The following KANTR variants were observed in gnomAD, a reference collection of about 807,000 sequenced individuals.
KANTR encodes KDM5C adjacent transcript.
rs146960113 is a variant in KANTR at position 53,107,230 on chromosome X, C to T, written c.-805+7622C>T. On this transcript the variant is annotated intron_variant, in intron 2 of 2. Transcript: ENST00000604062. The stretch of plus-strand genomic sequence containing the variant: ...ACAGATAGGATCTTTCTCTGTTGCT[C>T]AGGCTGGAGTGCAATGGTGTGATCA... Among the ~76,000 whole-genome samples, 41 of 102,776 alleles carry T rather than the reference C, an allele frequency of 4.0e-4. No individual in the cohort carries two copies. In the East Asian group the frequency reaches 0.012, roughly 29 times the overall value. The allele number at this position is 102,776 out of a possible 115,157, so 89.2% of individuals were successfully genotyped here. A position where few individuals can be genotyped will look rare whatever the true frequency, so the allele number is the denominator to read the frequency against.
downstream of KANTR, among the ~76,000 whole-genome samples, chrX:53,147,187 G>A (rs1402374106): frequency 8.9e-6 from 1 of 111,755 alleles, no homozygotes; most frequent in Non-Finnish European, 1.9e-5. Context: ...TGGATAAAGA[G>A]TCAAGACCCA....
At chrX:53,130,662 A>T (rs1309704481), downstream of KANTR, among the ~76,000 whole-genome samples, 1 of 112,246 alleles carries the variant, frequency 8.9e-6, no homozygotes, top group African/African-American at 3.2e-5. Context: ...TGTAGTAAGC[A>T]CTGTATATGT....
At chrX:53,103,222 C>T (rs990126678) in intron 2 of KANTR, among the ~76,000 whole-genome samples, 18 of 110,715 alleles carry the variant, frequency 1.6e-4, no homozygotes, top group South Asian at 3.8e-4. Context: ...GTGATCTACC[C>T]GCCTGGGCCT....
At chrX:53,107,988 C>G (rs1432992619) in intron 2 of KANTR, among the ~76,000 whole-genome samples, 1 of 108,828 alleles carries the variant, frequency 9.2e-6, no homozygotes, top group Non-Finnish European at 1.9e-5. Context: ...CTCCTGGGTT[C>G]AAGCGATTCT....
At chrX:53,133,096 G>A (rs1368999010) in intron 2 of KANTR, among the ~76,000 whole-genome samples, 2 of 110,575 alleles carry the variant, frequency 1.8e-5, no homozygotes, top group Admixed American at 9.7e-5. Context: ...TGCCAGTCAC[G>A]GTGGCTCACA....
chrX:53,105,854 C>CTTTTTTTTT (rs1181859013), intron 2 of KANTR, among the ~76,000 whole-genome samples: 1 of 72,071 alleles, frequency 1.4e-5, no homozygotes, highest in Non-Finnish European at 2.6e-5. Flanking sequence ...ATGTTTTTTT[C>CTTTTTTTTT]TTTTTTTTTT....
chrX:53,128,850 C>T (rs782623144), downstream of KANTR, among the ~76,000 whole-genome samples: 2 of 65,975 alleles, frequency 3.0e-5, no homozygotes, highest in South Asian at 1.9e-3. Flanking sequence ...GTTAAACATA[C>T]TCCCCACCCA....
At chrX:53,119,773 G>A (rs1204269849) in intron 2 of KANTR, among the ~76,000 whole-genome samples, 1 of 111,430 alleles carries the variant, frequency 9.0e-6, no homozygotes, top group Non-Finnish European at 1.9e-5. Context: ...AGGCTGGAGT[G>A]CAGTGGTGTG....
intron 2 of KANTR, among the ~76,000 whole-genome samples, chrX:53,108,904 G>A (rs1556813290): frequency 9.0e-6 from 1 of 111,314 alleles, no homozygotes; most frequent in African/African-American, 3.3e-5. Flanking sequence ...GTCTCACTAT[G>A]TTGTCCAGGC....
At chrX:53,115,250 C>A (rs1933105221) in intron 2 of KANTR, among the ~76,000 whole-genome samples, 1 of 112,669 alleles carries the variant, frequency 8.9e-6, no homozygotes, top group South Asian at 3.6e-4. Flanking sequence ...CCTGGGACCA[C>A]ATGGCCTGGC....
downstream of KANTR, among the ~76,000 whole-genome samples, chrX:53,144,975 T>C (rs966615186): frequency 9.0e-6 from 1 of 111,638 alleles, no homozygotes; most frequent in Admixed American, 9.5e-5. Flanking sequence ...GGTGAATTTA[T>C]AGATTTCAAG....
chrX:53,140,407 A>G (rs1412051072), intron 2 of KANTR, among the ~76,000 whole-genome samples: 1 of 108,457 alleles, frequency 9.2e-6, no homozygotes, highest in East Asian at 2.9e-4. Context: ...AGGCTGAGGC[A>G]GGAGAATCGC....
intron 2 of KANTR, among the ~76,000 whole-genome samples, chrX:53,138,809 T>C (rs138850005): frequency 3.1e-4 from 35 of 111,290 alleles, no homozygotes; most frequent in Middle Eastern, 4.6e-3. Context: ...AAAAACCTAT[T>C]GTATAACAAA....
intron 2 of KANTR, among the ~76,000 whole-genome samples, chrX:53,104,518 C>T (rs914362382): frequency 1.8e-5 from 2 of 110,810 alleles, no homozygotes; most frequent in Non-Finnish European, 3.8e-5. Context: ...ATTTTCACCC[C>T]CCGACCCCCA....
At chrX:53,111,581 ATACT>A (rs1556813783) in intron 2 of KANTR, among the ~76,000 whole-genome samples, 1 of 112,091 alleles carries the variant, frequency 8.9e-6, no homozygotes, top group Non-Finnish European at 1.9e-5. Flanking sequence ...ATTTGACTGT[ATACT>A]TACTTTTACC....
At chrX:53,136,731 T>TATATA (rs1491428007) in intron 2 of KANTR, among the ~76,000 whole-genome samples, 22 of 50,024 alleles carry the variant, frequency 4.4e-4, no homozygotes, top group South Asian at 1.2e-3. Context: ...TATATATATA[T>TATATA]TTTGTTTGTT....
At chrX:53,135,398 G>C (rs1419342409) in intron 2 of KANTR, among the ~76,000 whole-genome samples, 1 of 111,747 alleles carries the variant, frequency 8.9e-6, no homozygotes, top group Non-Finnish European at 1.9e-5. Flanking sequence ...CCCAGTCCTA[G>C]TGTCCCTATC....
chrX:53,103,971 T>C (rs1225498169), intron 2 of KANTR, among the ~76,000 whole-genome samples: 1 of 110,926 alleles, frequency 9.0e-6, no homozygotes, highest in East Asian at 2.8e-4. Flanking sequence ...CACACAGACA[T>C]TCTATTACTT....
chrX:53,141,711 T>C, intron 2 of KANTR: 1 of 114,462 alleles, frequency 8.7e-6, no homozygotes, highest in Non-Finnish European at 1.8e-5. Flanking sequence ...TATTTTTCCT[T>C]ACACAATGAC....
Sources: allele counts gnomAD v4.1 joint callset (sites outside exome capture counted in the v4.1 genomes callset), GRCh38; gene constraint gnomAD v4.1.1; transcripts MANE v1.5; gene names NCBI Gene and HGNC (gene_info 2026-07-23, HGNC 2026-07-21).